EFHC1: variants seen among roughly 807,000 people sequenced by gnomAD.
EFHC1 encodes EF-hand domain containing 1, also known as EF-hand domain-containing protein 1.
EFHC1 carries 53 observed loss-of-function variants against 69.9 expected under a neutral mutation model. That is an observed-to-expected ratio of 0.76 (90% CI 0.61 to 0.95). The LOEUF (loss-of-function observed/expected upper bound fraction) is 0.95. EFHC1 is among the 40% of genes least tolerant of loss of function. The pLI is 0.00. For missense variants in EFHC1, 739 were observed against 798.7 expected (o/e 0.93, Z 0.90); for synonymous variants, 256 against 278.4 (o/e 0.92, Z 0.80).
intron 9 of EFHC1, 23 bp from the exon 10 acceptor site, chr6:52,490,117 T>C (rs1765865281): frequency 6.2e-7 from 1 of 1,607,244 alleles, no homozygotes; most frequent in African/African-American, 1.3e-5. Flanking sequence ...CCATGTGCAG[T>C]CATTTCCTTC....
intron 2 of EFHC1, 119 bp from the exon 3 acceptor site, chr6:52,438,185 G>A: frequency 1.0e-6 from 1 of 956,326 alleles, no homozygotes; most frequent in African/African-American, 1.6e-5. Context: ...TTACAGGATA[G>A]AAGTGATGAG....
At chr6:52,454,063 A>G in intron 4 of EFHC1, 32 bp from the exon 5 acceptor site, 3 of 1,611,676 alleles carry the variant, frequency 1.9e-6, no homozygotes, top group Non-Finnish European at 2.5e-6. Context: ...TACTTTTAGG[A>G]TTCTTGAGTC....
chr6:52,491,369 A>G (rs895374518), intron 10 of EFHC1, among the ~76,000 whole-genome samples: 1 of 152,210 alleles, frequency 6.6e-6, no homozygotes, highest in Non-Finnish European at 1.5e-5. Flanking sequence ...ATAACCACAG[A>G]AAATCAGTCT....
At chr6:52,490,475 C>T in intron 10 of EFHC1, 125 bp downstream of exon 10, 6 of 784,606 alleles carry the variant, frequency 7.6e-6, no homozygotes, top group Non-Finnish European at 1.3e-5. Context: ...ATCAGATCTA[C>T]TATTCTGTCC....
chr6:52,488,194 T>G (rs950143663), intron 9 of EFHC1: 6 of 152,342 alleles, frequency 3.9e-5, no homozygotes, highest in African/African-American at 1.4e-4. Context: ...CATGCAAGAT[T>G]GAGGTTTGAC....
chr6:52,434,806 C>T, intron 2 of EFHC1, among the ~76,000 whole-genome samples: 1 of 151,970 alleles, frequency 6.6e-6, no homozygotes. Flanking sequence ...TAATTCTGTT[C>T]TTAATAAATA....
Position 52,492,514 on chromosome 6 carries a change from T to C in EFHC1, c.*173T>C, listed in dbSNP as rs751673863. On this transcript the variant is annotated 3_prime_UTR_variant, in exon 11 of 11. Coordinates refer to ENST00000371068, the MANE Select transcript of EFHC1 (RefSeq NM_018100.4). Reference sequence around the variant, plus strand: ...AATTGGATCTAATAGGATCTAAGATTGGTGCCTTATTTAGGGTGATAGGGG... The same window carrying C: ...AATTGGATCTAATAGGATCTAAGATCGGTGCCTTATTTAGGGTGATAGGGG... 1.2e-5 allele frequency: 9 copies of C among 732,968 alleles called. No individual in the cohort carries two copies. Among genetic ancestry groups the C allele is most frequent in the Non-Finnish European group, 2.2e-5 (9 of 415,890 alleles). The allele number at this position is 732,968 out of a possible 1,614,324, so 45.4% of individuals were successfully genotyped here.
chr6:52,475,554 CTTCCAAGAGATACGCAA>C (rs1215886379), intron 7 of EFHC1, among the ~76,000 whole-genome samples: 1 of 152,172 alleles, frequency 6.6e-6, no homozygotes, highest in Non-Finnish European at 1.5e-5. Context: ...AGCTGAATGT[CTTCCAAGAGATACGCAA>C]GACAGTACCA....
intron 10 of EFHC1, 120 bp from the exon 11 acceptor site, chr6:52,492,150 T>C (rs1249015105): frequency 1.2e-6 from 1 of 842,408 alleles, no homozygotes; most frequent in East Asian, 2.6e-5. Flanking sequence ...AACTTGAGGA[T>C]ACAAAAATTC....
intron 2 of EFHC1, among the ~76,000 whole-genome samples, chr6:52,428,643 A>G (rs1405947899): frequency 6.6e-6 from 1 of 152,200 alleles, no homozygotes; most frequent in African/African-American, 2.4e-5. Flanking sequence ...GCTGCTATAA[A>G]CATGCATGTA....
chr6:52,428,329 C>T (rs1326118870), intron 2 of EFHC1: 1 of 151,730 alleles, frequency 6.6e-6, no homozygotes, highest in Non-Finnish European at 1.5e-5. Context: ...AGTCTTTTAT[C>T]CCTCACCCCC....
rs202009376 is a variant in EFHC1 at position 52,479,798 on chromosome 6, G to A, written c.1640+11G>A. Reference sequence around the variant, plus strand: ...TCCAGAAGCAGAAAGGTGTGTGTTTGATTGCTAGGGTTTGGCACACTCAAG... The same window carrying A: ...TCCAGAAGCAGAAAGGTGTGTGTTTAATTGCTAGGGTTTGGCACACTCAAG... On this transcript the variant is annotated intron_variant, in intron 9 of 10. Transcript: ENST00000371068. The A allele has an allele frequency of 1.2e-6, 2 of 1,613,704 alleles. No homozygotes were observed. The highest frequency in any genetic ancestry group is 1.7e-6 in the Non-Finnish European group (2 of 1,179,984).
rs1043508446 is a variant in EFHC1, at chr6:52,494,130, T to C, written c.*1789T>C. ...GCTCCTCTACTTATGGGGCTATGTC[T>C]CAATAAACTCACGTAAGTAAAAAAT... is the stretch of plus-strand genomic sequence containing the variant. On this transcript the variant is annotated 3_prime_UTR_variant, in exon 11 of 11. Coordinates refer to ENST00000371068, the MANE Select transcript of EFHC1 (RefSeq NM_018100.4). 2 of 454,120 alleles carry C rather than the reference T, an allele frequency of 4.4e-6. No individual in the cohort carries two copies. The highest frequency in any genetic ancestry group is 8.8e-6 in the Non-Finnish European group (2 of 226,798). The allele number at this position is 454,120 out of a possible 1,614,324, so 28.1% of individuals were successfully genotyped here.
At chr6:52,486,565 C>T (rs1362696194) in intron 9 of EFHC1, 1 of 152,124 alleles carries the variant, frequency 6.6e-6, no homozygotes, top group East Asian at 1.9e-4. Flanking sequence ...TGAGAATTTT[C>T]CAAATATTCT....
At chr6:52,481,304 G>A (rs1168436325) in intron 9 of EFHC1, among the ~76,000 whole-genome samples, 1 of 152,110 alleles carries the variant, frequency 6.6e-6, no homozygotes, top group Admixed American at 6.5e-5. Flanking sequence ...CGGGATGTGG[G>A]TAGAGCAGTT....
chr6:52,433,594 C>T (rs989899030), intron 2 of EFHC1, among the ~76,000 whole-genome samples: 3 of 152,090 alleles, frequency 2.0e-5, no homozygotes, highest in African/African-American at 7.2e-5. Context: ...GGGGGTGAAA[C>T]GGACTCTGTG....
rs1455919199 is a variant in EFHC1, at chr6:52,495,193, CTT to C, written c.*2853_*2854del. On this transcript the variant is annotated 3_prime_UTR_variant, in exon 11 of 11. Transcript: ENST00000371068. ...GCCATGTTCTCACCCAGATGGCTCT[CTT>C]GGCTGTGTAATTAGGCAGCTCAATC... The C allele has an allele frequency of 2.2e-6, 1 of 454,102 alleles. No homozygotes were observed. Among genetic ancestry groups the C allele is most frequent in the Middle Eastern group, 6.9e-4 (1 of 1,444 alleles). The allele number at this position is 454,102 out of a possible 1,614,324, so 28.1% of individuals were successfully genotyped here. A position where few individuals can be genotyped will look rare whatever the true frequency, so the allele number is the denominator to read the frequency against.
intron 7 of EFHC1, 21 bp from the exon 8 acceptor site, chr6:52,479,016 C>T: frequency 6.2e-7 from 1 of 1,609,982 alleles, no homozygotes; most frequent in Non-Finnish European, 8.5e-7. Flanking sequence ...TCATAATATC[C>T]TCTTTTCTTC....
intron 1 of EFHC1, among the ~76,000 whole-genome samples, chr6:52,421,463 T>A (rs1764190405): frequency 6.6e-6 from 1 of 152,150 alleles, no homozygotes; most frequent in Admixed American, 6.5e-5. Context: ...ACAGTTTAGC[T>A]CTTAAAATTA....
Sources: allele counts gnomAD v4.1 joint callset (sites outside exome capture counted in the v4.1 genomes callset), GRCh38; gene constraint gnomAD v4.1.1; transcripts MANE v1.5; gene names NCBI Gene and HGNC (gene_info 2026-07-23, HGNC 2026-07-21).